Variants in DHDDS observed in about 807,000 individuals in gnomAD.
DHDDS encodes dehydrodolichyl diphosphate synthase complex subunit DHDDS.
DHDDS carries 16 observed loss-of-function variants against 46.2 expected under a neutral mutation model. That is an observed-to-expected ratio of 0.35 (90% CI 0.23 to 0.53). The LOEUF (loss-of-function observed/expected upper bound fraction) is 0.53, where lower values mean the gene tolerates loss of function less well. Ranked by LOEUF, DHDDS falls within the 20% of genes least tolerant of loss-of-function variation. DHDDS has a pLI of 0.94. For missense variants in DHDDS, 340 were observed against 423.7 expected (o/e 0.80, Z 1.73); for synonymous variants, 151 against 163.1 (o/e 0.93, Z 0.56).
chr1:26,457,233 G>T (rs191071835), intron 6 of DHDDS, among the ~76,000 whole-genome samples: 8 of 151,704 alleles, frequency 5.3e-5, no homozygotes, highest in East Asian at 3.9e-4. Flanking sequence ...CCGAGGGGGG[G>T]GCGGATCACG....
rs2075533791 is a variant in DHDDS at position 26,469,731 on chromosome 1, A to G, written c.*600A>G. On this transcript the variant is annotated 3_prime_UTR_variant, in exon 9 of 9. Coordinates refer to ENST00000236342, the MANE Select transcript of DHDDS (RefSeq NM_205861.3). ...CACAGTACTGATTGCTCACTGAAAGACTCAGCACCCCCAATGGTGCGCGGA... is the reference window on the plus strand; with the variant it reads ...CACAGTACTGATTGCTCACTGAAAGGCTCAGCACCCCCAATGGTGCGCGGA... The G allele has an allele frequency of 6.1e-6, 1 of 163,744 alleles. No homozygotes were observed. The highest frequency in any genetic ancestry group is 1.4e-5 in the Non-Finnish European group (1 of 73,496). The allele number at this position is 163,744 out of a possible 1,614,324, so 10.1% of individuals were successfully genotyped here.
intron 8 of DHDDS, chr1:26,463,389 T>C (rs1195159894): frequency 2.0e-5 from 3 of 152,254 alleles, no homozygotes; most frequent in Non-Finnish European, 4.4e-5. Context: ...AACACAGTTC[T>C]CTGCTATTCA....
intron 4 of DHDDS, among the ~76,000 whole-genome samples, chr1:26,444,502 G>A (rs571907316): frequency 2.0e-5 from 3 of 152,316 alleles, no homozygotes; most frequent in East Asian, 3.9e-4. Context: ...ACTTTGGGAA[G>A]CCAAGGAGGG....
intron 6 of DHDDS, among the ~76,000 whole-genome samples, chr1:26,457,498 T>G (rs1239661628): frequency 6.7e-6 from 1 of 148,428 alleles, no homozygotes; most frequent in Non-Finnish European, 1.5e-5. Context: ...ATAAATACCT[T>G]ATGTATCAGA....
intron 6 of DHDDS, chr1:26,455,100 G>A (rs1012686865): frequency 3.5e-5 from 28 of 810,312 alleles, no homozygotes; most frequent in Middle Eastern, 3.5e-4. Context: ...GCAGTTTCAC[G>A]AATATTCTTA....
chr1:26,454,842 G>C lies in DHDDS; in HGVS notation c.543-2949G>C, dbSNP rs896663488. ...TTAGGTGCTTTGTTCACTTGGATAT[G>C]CTCAATGACCAGAGAATCTACATTT... On this transcript the variant is annotated intron_variant, in intron 6 of 8. Transcript: ENST00000236342. 3.2e-6 allele frequency: 5 copies of C among 1,583,890 alleles called. No individual in the cohort carries two copies. The African/African-American group carries it at 5.4e-5, about 17-fold the overall frequency.
chr1:26,469,435 T>C lies in DHDDS; in HGVS notation c.*304T>C. 1 of 489,586 alleles carries C rather than the reference T, an allele frequency of 2.0e-6. No individual in the cohort carries two copies. The allele number at this position is 489,586 out of a possible 1,614,324, so 30.3% of individuals were successfully genotyped here. A position where few individuals can be genotyped will look rare whatever the true frequency, so the allele number is the denominator to read the frequency against. On this transcript the variant is annotated 3_prime_UTR_variant, in exon 9 of 9. Coordinates refer to ENST00000236342, the MANE Select transcript of DHDDS (RefSeq NM_205861.3). ...CTGCCTGTCTCTTAGATGCACTTTCTTTTTCCACCAGCACATCCTTCAACA... is the reference window on the plus strand; with the variant it reads ...CTGCCTGTCTCTTAGATGCACTTTCCTTTTCCACCAGCACATCCTTCAACA...
At chr1:26,467,256 C>T (rs753068939) in intron 8 of DHDDS, 2 of 459,958 alleles carry the variant, frequency 4.3e-6, no homozygotes, top group South Asian at 1.6e-5. Context: ...TCGTGTCCTG[C>T]GCATCTCCAT....
chr1:26,449,230 C>T (rs932155904), intron 6 of DHDDS, among the ~76,000 whole-genome samples: 1 of 151,886 alleles, frequency 6.6e-6, no homozygotes, highest in East Asian at 1.9e-4. Context: ...TCCCAAGTAG[C>T]TGGGATTACA....
chr1:26,454,170 G>A (rs1025977366), intron 6 of DHDDS, among the ~76,000 whole-genome samples: 1 of 152,088 alleles, frequency 6.6e-6, no homozygotes, highest in Non-Finnish European at 1.5e-5. Flanking sequence ...AGCCAGGATG[G>A]TCTCGACCTC....
Position 26,469,682 on chromosome 1 carries a change from T to A in DHDDS, c.*551T>A. 4.5e-6 allele frequency: 1 copy of A among 221,830 alleles called. No homozygotes were observed. The highest frequency in any genetic ancestry group is 9.2e-6 in the Non-Finnish European group (1 of 108,368). 13.7% of individuals were successfully genotyped at this position (221,830 alleles called of 1,614,324 possible). A position where few individuals can be genotyped will look rare whatever the true frequency, so the allele number is the denominator to read the frequency against. ...TTGGCTCTCCACCTGGGATTTGCTATTGAATCTCTACCCTCTCCCACCACA... is the reference window on the plus strand; with the variant it reads ...TTGGCTCTCCACCTGGGATTTGCTAATGAATCTCTACCCTCTCCCACCACA... On this transcript the variant is annotated 3_prime_UTR_variant, in exon 9 of 9. Coordinates refer to ENST00000236342, the MANE Select transcript of DHDDS (RefSeq NM_205861.3).
intron 8 of DHDDS, among the ~76,000 whole-genome samples, chr1:26,461,155 T>C (rs1282108774): frequency 1.3e-5 from 2 of 152,084 alleles, no homozygotes; most frequent in Non-Finnish European, 2.9e-5. Flanking sequence ...ATTACAGGCG[T>C]GAAGAGCCTG....
At chr1:26,452,925 C>A (rs1348909345) in intron 6 of DHDDS, among the ~76,000 whole-genome samples, 1 of 152,114 alleles carries the variant, frequency 6.6e-6, no homozygotes, top group Non-Finnish European at 1.5e-5. Flanking sequence ...ACGGCAAGAC[C>A]CTGTCTCTAC....
chr1:26,460,855 G>A (rs554064016), intron 8 of DHDDS, among the ~76,000 whole-genome samples: 37 of 152,218 alleles, frequency 2.4e-4, no homozygotes, highest in African/African-American at 8.7e-4. Flanking sequence ...CTGTCCCAAG[G>A]AACCTGAATT....
At chr1:26,456,168 G>A (rs1439631033) in intron 6 of DHDDS, among the ~76,000 whole-genome samples, 1 of 152,128 alleles carries the variant, frequency 6.6e-6, no homozygotes, top group African/African-American at 2.4e-5. Context: ...GTGTAATGTG[G>A]AATTTTTGCA....
chr1:26,451,520 C>T (rs2075320479), intron 6 of DHDDS, among the ~76,000 whole-genome samples: 1 of 151,318 alleles, frequency 6.6e-6, no homozygotes, highest in African/African-American at 2.4e-5. Flanking sequence ...CAGTGGCACG[C>T]TCTCAACTCA....
At chr1:26,442,165 G>A (rs983882034) in intron 3 of DHDDS, among the ~76,000 whole-genome samples, 1 of 152,164 alleles carries the variant, frequency 6.6e-6, no homozygotes, top group African/African-American at 2.4e-5. Flanking sequence ...ATTTTAAAGT[G>A]GTTGTTCAAA....
intron 6 of DHDDS, among the ~76,000 whole-genome samples, chr1:26,457,565 TAAAA>T (rs11351917): frequency 5.9e-5 from 8 of 136,570 alleles, no homozygotes; most frequent in South Asian, 2.3e-4. Context: ...TTGTATTCTC[TAAAA>T]AAAAAAAAAA....
intron 2 of DHDDS, 23 bp downstream of exon 2, chr1:26,433,031 G>A (rs749248066): frequency 2.5e-6 from 4 of 1,613,822 alleles, no homozygotes; most frequent in Admixed American, 1.7e-5. Context: ...CCAGAGCACC[G>A]GTTGGCCTTC....
Sources: allele counts gnomAD v4.1 joint callset (sites outside exome capture counted in the v4.1 genomes callset), GRCh38; gene constraint gnomAD v4.1.1; transcripts MANE v1.5; gene names NCBI Gene and HGNC (gene_info 2026-07-23, HGNC 2026-07-21).